KALRN: variants seen among roughly 807,000 people sequenced by gnomAD.
The protein encoded by KALRN is kalirin.
A neutral mutation model predicts 353.7 loss-of-function variants in KALRN; 70 were observed. The ratio of observed to expected loss-of-function variants is 0.20; its 90% confidence interval spans 0.16 to 0.24. The LOEUF (loss-of-function observed/expected upper bound fraction) is 0.24. Among genes scored for constraint, KALRN ranks in the 10% least tolerant of loss-of-function variants. The pLI is 1.00. For missense variants in KALRN, 2,791 were observed against 3,756.7 expected, an observed-to-expected ratio of 0.74 and a Z score of 6.72; for synonymous variants, 1,391 against 1,434.8, an observed-to-expected ratio of 0.97 and a Z score of 0.69.
rs1367236046 is a variant in KALRN, at chr3:124,589,616, T to A, written c.5182+26527T>A. ...CCAAAAAATAAACAAAAATAAAAAT[T>A]CACCATCCAGGGGATAAAATCCTTG... On this transcript the variant is annotated intron_variant, in intron 34 of 59. Coordinates refer to ENST00000682506, the MANE Select transcript of KALRN (RefSeq NM_001388419.1). Among the ~76,000 whole-genome samples, 3 of 152,100 alleles carry A rather than the reference T, an allele frequency of 2.0e-5. No homozygotes were observed. In the East Asian group the frequency reaches 5.8e-4, roughly 29 times the overall value.
rs990055271 is a variant in KALRN at position 124,693,711 on chromosome 3, T to C, written c.7378-93T>C. On this transcript the variant is annotated intron_variant, in intron 51 of 59. Transcript: ENST00000682506. Reference sequence around the variant, plus strand: ...GGGCTCCAGGCCTCATCTCCCTAAATTGTACTTTCTTTTTACTCAATACGG... The same window carrying C: ...GGGCTCCAGGCCTCATCTCCCTAAACTGTACTTTCTTTTTACTCAATACGG... The C allele has an allele frequency of 1.0e-5, 8 of 798,834 alleles. No homozygotes were observed. In the East Asian group the frequency reaches 1.1e-4, roughly 11 times the overall value. 49.5% of individuals were successfully genotyped at this position (798,834 alleles called of 1,614,324 possible). A position where few individuals can be genotyped will look rare whatever the true frequency, so the allele number is the denominator to read the frequency against.
In KALRN at chr3:124,142,234, A is replaced by G. The variant is rs576658079; in HGVS notation, c.74-85756A>G. Among the ~76,000 whole-genome samples the G allele has an allele frequency of 5.9e-5, 9 of 152,254 alleles. No individual in the cohort carries two copies. In the South Asian group the frequency reaches 1.9e-3, roughly 32 times the overall value. ...GAGAGCGGATGCCTGAGGTCCAGAG[A>G]TGTGGAGCGACTTGCCACAGGCTTC... On this transcript the variant is annotated intron_variant, in intron 1 of 59. Transcript: ENST00000682506.
chr3:124,613,710 G>C (rs751985862), intron 34 of KALRN, among the ~76,000 whole-genome samples: 2 of 152,120 alleles, frequency 1.3e-5, no homozygotes, highest in Non-Finnish European at 2.9e-5. Flanking sequence ...AGCTTCTAAG[G>C]TTCTCACTGA....
rs146258629 is a variant in KALRN, at chr3:124,290,826, G to A, written c.970-7965G>A. ...TTAACAAATCTTAGTTGTTGGAATCGTCATAACTGTCATCATCATTGATGT... is the reference window on the plus strand; with the variant it reads ...TTAACAAATCTTAGTTGTTGGAATCATCATAACTGTCATCATCATTGATGT... On this transcript the variant is annotated intron_variant, in intron 5 of 59. Coordinates refer to ENST00000682506, the MANE Select transcript of KALRN (RefSeq NM_001388419.1). Among the ~76,000 whole-genome samples the A allele has an allele frequency of 3.5e-3, 540 of 152,222 alleles. 6 individuals are homozygous for A. The highest frequency in any genetic ancestry group is 0.012 in the African/African-American group (514 of 41,522).
intron 57 of KALRN, among the ~76,000 whole-genome samples, chr3:124,703,389 A>G (rs1417671509): frequency 6.6e-6 from 1 of 152,246 alleles, no homozygotes; most frequent in African/African-American, 2.4e-5. Context: ...AGCAGATACT[A>G]TATACAAATG....
chr3:124,585,024 TG>T, intron 34 of KALRN: 2 of 1,250,516 alleles, frequency 1.6e-6, no homozygotes, highest in Non-Finnish European at 1.1e-6. Context: ...CGGATGGGGC[TG>T]GGGATCAGGA....
At position 124,264,505 on chromosome 3, in the gene KALRN, G is replaced by A. The variant is rs1160137462; in HGVS notation, c.271G>A (p.Val91Met). ...CCTCTGACCTCCCCACAGTGAGGACGTGTGCAAACGTGGCTTCACTGTCAT... is the reference window on the plus strand; with the variant it reads ...CCTCTGACCTCCCCACAGTGAGGACATGTGCAAACGTGGCTTCACTGTCAT... ...TYLASVPSEDVCKRGFTVIID... is the reference protein window; with the variant it reads ...TYLASVPSEDMCKRGFTVIID... The change falls in exon 4 of 60, where the codon GTG becomes ATG. Residue 91 changes from valine to methionine, a missense_variant. This residue lies in a region of KALRN where 110 missense variants were observed against 204.1 expected (regional missense o/e 0.54). Coordinates refer to ENST00000682506, the MANE Select transcript of KALRN (RefSeq NM_001388419.1). 3 of 1,613,804 alleles carry A rather than the reference G, an allele frequency of 1.9e-6. No homozygotes were observed. The highest frequency in any genetic ancestry group is 1.1e-5 in the South Asian group (1 of 90,990).
intron 34 of KALRN, among the ~76,000 whole-genome samples, chr3:124,595,515 A>T (rs963870992): frequency 2.0e-5 from 3 of 152,228 alleles, no homozygotes; most frequent in South Asian, 2.1e-4. Flanking sequence ...TCTGATTGAA[A>T]TAATCTCCCT....
intron 21 of KALRN, among the ~76,000 whole-genome samples, chr3:124,453,412 A>G (rs2058992143): frequency 6.6e-6 from 1 of 152,168 alleles, no homozygotes; most frequent in Admixed American, 6.5e-5. Context: ...CGGCAGGCAG[A>G]GCACTCTCAA....
At chr3:124,081,912 T>A (rs1483161473) in intron 1 of KALRN, among the ~76,000 whole-genome samples, 3 of 152,250 alleles carry the variant, frequency 2.0e-5, no homozygotes, top group Non-Finnish European at 4.4e-5. Flanking sequence ...TAAAGGACTT[T>A]CCCTGAGTCA....
intron 33 of KALRN, among the ~76,000 whole-genome samples, chr3:124,514,707 C>T (rs2066344680): frequency 6.6e-6 from 1 of 152,136 alleles, no homozygotes; most frequent in African/African-American, 2.4e-5. Flanking sequence ...CCATTATGCA[C>T]ACTGCCTTCC....
At chr3:124,548,376 C>T (rs1390475520) in intron 33 of KALRN, among the ~76,000 whole-genome samples, 2 of 152,156 alleles carry the variant, frequency 1.3e-5, no homozygotes, top group East Asian at 3.8e-4. Flanking sequence ...TTTGCCATAG[C>T]TATTAAATCT....
chr3:124,717,173 G>T, intron 58 of KALRN, 74 bp from the exon 59 acceptor site: 1 of 1,394,126 alleles, frequency 7.2e-7, no homozygotes. Flanking sequence ...AGATCTTACT[G>T]ATTTGTACAT....
intron 1 of KALRN, among the ~76,000 whole-genome samples, chr3:124,089,748 G>A (rs1318863255): frequency 2.0e-5 from 3 of 151,846 alleles, no homozygotes; most frequent in African/African-American, 7.3e-5. Context: ...CAGTGAGGGA[G>A]GATGGAAGGT....
At chr3:124,384,148 A>G (rs994998563) in intron 10 of KALRN, among the ~76,000 whole-genome samples, 1 of 152,162 alleles carries the variant, frequency 6.6e-6, no homozygotes, top group Non-Finnish European at 1.5e-5. Flanking sequence ...GGAGAATACC[A>G]TGGTGTGTAC....
At chr3:124,377,321 ATG>A (rs1452602475) in intron 10 of KALRN, among the ~76,000 whole-genome samples, 1 of 152,184 alleles carries the variant, frequency 6.6e-6, no homozygotes, top group Admixed American at 6.5e-5. Context: ...TTATTTAGAT[ATG>A]TGTTATTTAG....
intron 32 of KALRN, among the ~76,000 whole-genome samples, chr3:124,495,880 G>A (rs545259906): frequency 4.0e-4 from 57 of 143,214 alleles, no homozygotes; most frequent in African/African-American, 1.4e-3. Flanking sequence ...TAATCACCTG[G>A]ATAGAAGCCT....
intron 33 of KALRN, among the ~76,000 whole-genome samples, chr3:124,552,717 G>A (rs1243854228): frequency 1.3e-5 from 2 of 152,184 alleles, no homozygotes; most frequent in Non-Finnish European, 2.9e-5. Flanking sequence ...TAGTCTGCCA[G>A]ATTATCTCAA....
chr3:124,047,739 A>G (rs2040638119), intron 1 of KALRN, among the ~76,000 whole-genome samples: 1 of 151,002 alleles, frequency 6.6e-6, no homozygotes, highest in African/African-American at 2.4e-5. Context: ...TCCTGACCTC[A>G]TGATCCGCCT....
Sources: allele counts gnomAD v4.1 joint callset (sites outside exome capture counted in the v4.1 genomes callset), GRCh38; gene constraint gnomAD v4.1.1; regional missense constraint gnomAD v4.1.1; transcripts MANE v1.5; gene names NCBI Gene and HGNC (gene_info 2026-07-23, HGNC 2026-07-21).